PCSK5: variants seen among roughly 807,000 people sequenced by gnomAD.
PCSK5 encodes prohormone convertase 5.
A neutral mutation model predicts 233.2 loss-of-function variants in PCSK5; 129 were observed. The observed-to-expected ratio is 0.55, with a 90% CI of 0.48 to 0.64. The LOEUF is 0.64. PCSK5 is among the 30% of genes least tolerant of loss of function. The pLI is 0.00. For missense variants in PCSK5, 2,076 were observed against 2,430.1 expected (o/e 0.85, Z 3.06); for synonymous variants, 825 against 879.2 (o/e 0.94, Z 1.09).
intron 5 of PCSK5, among the ~76,000 whole-genome samples, chr9:76,063,964 C>T (rs1436877227): frequency 2.7e-5 from 2 of 73,210 alleles, no homozygotes; most frequent in Non-Finnish European, 2.5e-5. Context: ...GAGGGCTGAC[C>T]CCCCCACCTC....
intron 35 of PCSK5, among the ~76,000 whole-genome samples, chr9:76,340,601 C>A (rs1368081987): frequency 7.2e-6 from 1 of 139,352 alleles, no homozygotes; most frequent in Non-Finnish European, 1.5e-5. Flanking sequence ...GCCGAGATTG[C>A]GCCATTGCAC....
chr9:76,302,959 C>CTTTTTTTTTTTTTTTTTT, intron 28 of PCSK5, among the ~76,000 whole-genome samples: 1 of 87,492 alleles, frequency 1.1e-5, no homozygotes, highest in Non-Finnish European at 2.2e-5. Flanking sequence ...CAAAGTGGTT[C>CTTTTTTTTTTTTTTTTTT]TTTTTTTTTT....
chr9:76,019,952 G>C (rs1358260975), intron 3 of PCSK5, among the ~76,000 whole-genome samples: 1 of 152,184 alleles, frequency 6.6e-6, no homozygotes, highest in Non-Finnish European at 1.5e-5. Context: ...ATTCAGAACT[G>C]AAAATACCTA....
chr9:76,187,943 A>AAAT (rs1402542015), intron 17 of PCSK5, among the ~76,000 whole-genome samples: 1 of 152,196 alleles, frequency 6.6e-6, no homozygotes, highest in Non-Finnish European at 1.5e-5. Context: ...TAGTTTTGAT[A>AAAT]AATTTTTCAT....
chr9:76,230,589 C>T (rs1020450873), intron 21 of PCSK5, among the ~76,000 whole-genome samples: 8 of 152,206 alleles, frequency 5.3e-5, no homozygotes, highest in African/African-American at 1.7e-4. Context: ...AGCTGGGCTG[C>T]ACAGCAGCAG....
At chr9:75,994,974 C>A (rs539340436) in intron 3 of PCSK5, among the ~76,000 whole-genome samples, 2 of 152,212 alleles carry the variant, frequency 1.3e-5, no homozygotes, top group Non-Finnish European at 2.9e-5. Context: ...CTTTCTACTT[C>A]GCTTTCTGCT....
intron 22 of PCSK5, among the ~76,000 whole-genome samples, chr9:76,235,767 G>A (rs190528995): frequency 1.3e-5 from 2 of 152,188 alleles, no homozygotes; most frequent in Admixed American, 1.3e-4. Context: ...TCGAGGTGGG[G>A]TGTTGTTTAC....
chr9:76,109,916 C>A (rs1296064090), intron 9 of PCSK5, among the ~76,000 whole-genome samples: 1 of 152,144 alleles, frequency 6.6e-6, no homozygotes, highest in African/African-American at 2.4e-5. Context: ...TAATGTGAAA[C>A]ATATCTAAAA....
At chr9:76,355,422 A>G (rs1017650622) in intron 37 of PCSK5, among the ~76,000 whole-genome samples, 5 of 152,178 alleles carry the variant, frequency 3.3e-5, no homozygotes, top group South Asian at 4.1e-4. Flanking sequence ...GCAGTGAGCC[A>G]AGATCGTGCC....
chr9:76,308,870 G>A, intron 29 of PCSK5, 142 bp downstream of exon 29: 1 of 605,262 alleles, frequency 1.7e-6, no homozygotes, highest in Non-Finnish European at 2.9e-6. Context: ...CTACTCGGGA[G>A]ACACACAGGG....
At chr9:75,910,613 A>G (rs1032113712) in intron 1 of PCSK5, among the ~76,000 whole-genome samples, 4 of 152,036 alleles carry the variant, frequency 2.6e-5, no homozygotes, top group African/African-American at 9.7e-5. Context: ...GAAGACAGAA[A>G]CTTAATGTGT....
At chr9:76,042,400 C>T (rs1285162186) in intron 5 of PCSK5, among the ~76,000 whole-genome samples, 1 of 152,208 alleles carries the variant, frequency 6.6e-6, no homozygotes, top group Non-Finnish European at 1.5e-5. Context: ...CCTGTAATCC[C>T]AGCACTTTGT....
chr9:76,322,271 A>G lies in PCSK5; in HGVS notation c.4102+632A>G, dbSNP rs542073728. On this transcript the variant is annotated intron_variant, in intron 31 of 37. Coordinates refer to ENST00000674117, the MANE Select transcript of PCSK5 (RefSeq NM_001372043.1). ...AGCTGTTCCCATCTTTTGGAACACA[A>G]AATCTTACAGACTGATAGTAAGCCA... Among the ~76,000 whole-genome samples, 5 of 152,308 alleles carry G rather than the reference A, an allele frequency of 3.3e-5. No individual in the cohort carries two copies. The South Asian group carries it at 1.0e-3, about 32-fold the overall frequency.
intron 12 of PCSK5, 60 bp downstream of exon 12, chr9:76,159,231 A>G (rs1291392878): frequency 1.3e-6 from 2 of 1,482,722 alleles, no homozygotes; most frequent in Admixed American, 1.8e-5. Context: ...GCTATTCCTT[A>G]GGTAGAAGGG....
At chr9:76,325,562 GCACTTGCT>G (rs1236683228) in intron 32 of PCSK5, among the ~76,000 whole-genome samples, 4 of 152,172 alleles carry the variant, frequency 2.6e-5, no homozygotes, top group Admixed American at 2.6e-4. Flanking sequence ...GAGAAGTTAA[GCACTTGCT>G]CAATGTGACC....
chr9:75,894,508 G>A (rs1261895548), intron 1 of PCSK5, among the ~76,000 whole-genome samples: 1 of 152,222 alleles, frequency 6.6e-6, no homozygotes, highest in African/African-American at 2.4e-5. Context: ...CATAGAGCTA[G>A]CATATGTTTT....
Position 76,342,030 on chromosome 9 carries a change from A to T in PCSK5, c.4966+3583A>T, listed in dbSNP as rs545572762. Among the ~76,000 whole-genome samples, 4 of 152,332 alleles carry T rather than the reference A, an allele frequency of 2.6e-5. No individual in the cohort carries two copies. In the South Asian group the frequency reaches 8.3e-4, roughly 32 times the overall value. On this transcript the variant is annotated intron_variant, in intron 35 of 37. Transcript: ENST00000674117. ...TCTAGTCCTGGAGCAGAGAAGGTGG[A>T]TGGCTTGAACCTGACTACCATTTTG...
chr9:76,171,835 G>T (rs1823344386), intron 13 of PCSK5, among the ~76,000 whole-genome samples: 1 of 152,166 alleles, frequency 6.6e-6, no homozygotes. Context: ...GACTTTAATA[G>T]AAACATATAG....
At chr9:76,153,154 A>G in intron 10 of PCSK5, among the ~76,000 whole-genome samples, 1 of 152,200 alleles carries the variant, frequency 6.6e-6, no homozygotes, top group Non-Finnish European at 1.5e-5. Context: ...AAAGGAACAG[A>G]TATAACAGTA....
Sources: allele counts gnomAD v4.1 joint callset (sites outside exome capture counted in the v4.1 genomes callset), GRCh38; gene constraint gnomAD v4.1.1; transcripts MANE v1.5; gene names NCBI Gene and HGNC (gene_info 2026-07-23, HGNC 2026-07-21).